NUSAP1: variants seen among roughly 807,000 people sequenced by gnomAD.
The protein encoded by NUSAP1 is nucleolar and spindle associated protein 1, also known as nucleolar and spindle-associated protein 1.
A neutral mutation model predicts 52.8 loss-of-function variants in NUSAP1; 32 were observed. The ratio of observed to expected loss-of-function variants is 0.61; its 90% CI spans 0.46 to 0.81. NUSAP1 has a LOEUF of 0.81. NUSAP1 is among the 40% of genes least tolerant of loss of function. The pLI, the probability that NUSAP1 is intolerant of heterozygous loss-of-function variation, is 0.00. For missense variants in NUSAP1, 499 were observed against 522.3 expected (o/e 0.96, Z 0.43); for synonymous variants, 195 against 183.1 (o/e 1.06, Z -0.52).
Position 41,371,644 on chromosome 15 carries a change from G to T in NUSAP1, c.966G>T (p.Gly322=), listed in dbSNP as rs766247279. ...CCCCAAAAGGCGAGGCTGTGCTTGG[G>T]ACACACAAATTAAAGACCATCACGG... ...GGTPKGEAVL[G]THKLKTITGN... Residue 322 remains glycine, a synonymous_variant, in exon 8 of 11, where the codon GGG becomes GGT. Coordinates refer to ENST00000559596, the MANE Select transcript of NUSAP1 (RefSeq NM_016359.5). The T allele has an allele frequency of 1.3e-6, 2 of 1,597,438 alleles. No homozygotes were observed. The highest frequency in any genetic ancestry group is 2.3e-5 in the South Asian group (2 of 88,198).
At chr15:41,367,268 A>AC (rs2049457547) in intron 7 of NUSAP1, among the ~76,000 whole-genome samples, 1 of 152,212 alleles carries the variant, frequency 6.6e-6, no homozygotes, top group South Asian at 2.1e-4. Context: ...AGCCACAGGC[A>AC]CATAGCCACT....
intron 6 of NUSAP1, among the ~76,000 whole-genome samples, chr15:41,361,789 A>C (rs184100702): frequency 2.0e-5 from 3 of 152,268 alleles, no homozygotes; most frequent in African/African-American, 7.2e-5. Flanking sequence ...GTTCACCCTG[A>C]ATGTTTAAGG....
chr15:41,350,570 G>T (rs934849276), intron 3 of NUSAP1, among the ~76,000 whole-genome samples: 6 of 152,100 alleles, frequency 3.9e-5, no homozygotes, highest in Non-Finnish European at 7.3e-5. Flanking sequence ...TGTCTTCAAA[G>T]TGAGCTACTA....
chr15:41,358,331 G>T, intron 6 of NUSAP1, 73 bp downstream of exon 6: 1 of 698,054 alleles, frequency 1.4e-6, no homozygotes. Context: ...ATAACACCGT[G>T]GTTACAACAA....
intron 5 of NUSAP1, 145 bp from the exon 6 acceptor site, chr15:41,358,004 T>G: frequency 2.0e-6 from 1 of 506,880 alleles, no homozygotes; most frequent in Non-Finnish European, 3.6e-6. Flanking sequence ...AAACTAAGTA[T>G]TTTGAAATTA....
intron 10 of NUSAP1, among the ~76,000 whole-genome samples, chr15:41,378,541 T>G (rs189930339): frequency 1.1e-3 from 175 of 152,274 alleles, no homozygotes; most frequent in African/African-American, 4.1e-3. Flanking sequence ...ATCCCAGTAC[T>G]CTGGGAGGCC....
intron 5 of NUSAP1, 120 bp downstream of exon 5, chr15:41,356,260 T>G: frequency 4.4e-6 from 3 of 686,904 alleles, no homozygotes; most frequent in Non-Finnish European, 2.6e-6. Flanking sequence ...CTCTCGTCTT[T>G]TAGGTTTGAT....
At chr15:41,365,665 CAAAT>C in intron 7 of NUSAP1, 76 bp downstream of exon 7, 1 of 1,068,594 alleles carries the variant, frequency 9.4e-7, no homozygotes, top group Non-Finnish European at 1.3e-6. Flanking sequence ...TTTTAATTGG[CAAAT>C]AATATTCGTA....
chr15:41,334,562 C>G (rs1031731625), intron 1 of NUSAP1, among the ~76,000 whole-genome samples: 2 of 152,224 alleles, frequency 1.3e-5, no homozygotes, highest in African/African-American at 4.8e-5. Context: ...AGCCTAAATT[C>G]CTTAGGCTTT....
intron 8 of NUSAP1, among the ~76,000 whole-genome samples, chr15:41,374,472 T>C (rs1474362141): frequency 6.6e-6 from 1 of 152,210 alleles, no homozygotes; most frequent in Non-Finnish European, 1.5e-5. Flanking sequence ...ACCAGTCATA[T>C]TGACAGTTAG....
At chr15:41,358,615 AT>A (rs2049058052) in intron 6 of NUSAP1, among the ~76,000 whole-genome samples, 1 of 152,064 alleles carries the variant, frequency 6.6e-6, no homozygotes, top group African/African-American at 2.4e-5. Flanking sequence ...CATGGCTGTA[AT>A]CCCATCTACT....
chr15:41,349,422 C>T (rs2048700333), intron 3 of NUSAP1, 181 bp downstream of exon 3: 1 of 537,528 alleles, frequency 1.9e-6, no homozygotes, highest in East Asian at 2.9e-5. Flanking sequence ...AGGGCTTGGG[C>T]CTCAGGAAGC....
intron 1 of NUSAP1, among the ~76,000 whole-genome samples, chr15:41,336,337 C>T (rs2048130712): frequency 6.6e-6 from 1 of 151,310 alleles, no homozygotes; most frequent in African/African-American, 2.4e-5. Context: ...AGAGACTTCT[C>T]TTAATGGTAT....
chr15:41,358,358 C>A, intron 6 of NUSAP1, 100 bp downstream of exon 6: 1 of 627,188 alleles, frequency 1.6e-6, no homozygotes, highest in Non-Finnish European at 2.8e-6. Context: ...GTCACTCTAC[C>A]AGTAGATTTG....
intron 5 of NUSAP1, among the ~76,000 whole-genome samples, 154 bp downstream of exon 5, chr15:41,356,294 C>G (rs2048966976): frequency 6.6e-6 from 1 of 151,184 alleles, no homozygotes; most frequent in African/African-American, 2.4e-5. Context: ...TACTCATCCT[C>G]AATAAACTCA....
intron 9 of NUSAP1, among the ~76,000 whole-genome samples, chr15:41,376,932 C>T (rs761093961): frequency 6.6e-6 from 1 of 151,064 alleles, no homozygotes; most frequent in African/African-American, 2.4e-5. Flanking sequence ...AAAAATTACC[C>T]GGGCATGGTG....
chr15:41,366,337 C>A (rs183305619), intron 7 of NUSAP1, among the ~76,000 whole-genome samples: 5 of 147,750 alleles, frequency 3.4e-5, no homozygotes, highest in Non-Finnish European at 5.9e-5. Flanking sequence ...ATTGCCCAGG[C>A]TGGAGTGCAG....
Position 41,332,884 on chromosome 15 carries a change from G to T in NUSAP1, c.-74G>T, listed in dbSNP as rs2047963160. ...TTCTGCCTAGTCAAAGTTAAGAGTG[G>T]CGCCAGGGATTTGAACCGCGCTGAC... is the stretch of plus-strand genomic sequence containing the variant. On this transcript the variant is annotated 5_prime_UTR_variant, in exon 1 of 11. Coordinates refer to ENST00000559596, the MANE Select transcript of NUSAP1 (RefSeq NM_016359.5). 3.4e-6 allele frequency: 4 copies of T among 1,167,262 alleles called. No individual in the cohort carries two copies. Among genetic ancestry groups the T allele is most frequent in the Non-Finnish European group, 5.0e-6 (4 of 797,632 alleles). 72.3% of individuals were successfully genotyped at this position (1,167,262 alleles called of 1,614,324 possible). A position where few individuals can be genotyped will look rare whatever the true frequency, so the allele number is the denominator to read the frequency against.
chr15:41,365,260 G>A (rs951102455), intron 6 of NUSAP1, 142 bp from the exon 7 acceptor site: 3 of 591,800 alleles, frequency 5.1e-6, no homozygotes, highest in Non-Finnish European at 8.5e-6. Context: ...GGGTTCAAGT[G>A]ATTCTCCCGC....
Sources: gnomAD v4.1 joint callset for allele counts (sites outside exome capture counted in the v4.1 genomes callset) on GRCh38, gnomAD v4.1.1 for gene constraint, MANE v1.5 for transcripts, NCBI Gene and HGNC (gene_info 2026-07-23, HGNC 2026-07-21) for gene names.